SLC24A2: variants seen among roughly 807,000 people sequenced by gnomAD.
SLC24A2 encodes the protein sodium/potassium/calcium exchanger 2.
Under a neutral mutation model 62.0 loss-of-function variants are expected in SLC24A2, and 36 were observed. The observed-to-expected ratio is 0.58, with a 90% CI of 0.44 to 0.77. SLC24A2 has a LOEUF of 0.77. Ranked by LOEUF, SLC24A2 falls within the 30% of genes least tolerant of loss-of-function variation. SLC24A2 has a pLI of 0.00. For synonymous variants in SLC24A2, 358 were observed against 294.0 expected (o/e 1.22, Z -2.23); for missense variants, 846 against 817.9 (o/e 1.03, Z -0.42).
At chr9:19,542,996 G>T (rs974664482) in intron 8 of SLC24A2, among the ~76,000 whole-genome samples, 1 of 152,164 alleles carries the variant, frequency 6.6e-6, no homozygotes, top group Non-Finnish European at 1.5e-5. Flanking sequence ...GTTTGAAATG[G>T]TTTCAGAAGG....
At chr9:20,026,130 T>C in the SLC24A2 span, among the ~76,000 whole-genome samples, 4 of 152,216 alleles carry the variant, frequency 2.6e-5, no homozygotes, top group Non-Finnish European at 5.9e-5. Flanking sequence ...AGATCTATTC[T>C]ATCAGGCTGT....
intron 4 of SLC24A2, among the ~76,000 whole-genome samples, chr9:19,604,371 G>C (rs1023283798): frequency 6.6e-6 from 1 of 152,146 alleles, no homozygotes; most frequent in African/African-American, 2.4e-5. Flanking sequence ...CAAAACAGCA[G>C]CACTGTCTTT....
the SLC24A2 span, among the ~76,000 whole-genome samples, chr9:20,070,876 G>A: frequency 1.3e-5 from 2 of 152,168 alleles, no homozygotes; most frequent in African/African-American, 4.8e-5. Flanking sequence ...TTGGATCTAT[G>A]TTCCTGCCCA....
intron 2 of SLC24A2, among the ~76,000 whole-genome samples, chr9:19,669,519 CT>C: frequency 6.6e-6 from 1 of 152,332 alleles, no homozygotes; most frequent in Admixed American, 6.5e-5. Flanking sequence ...CTTTAAACTC[CT>C]GTAGGTCAGA....
At chr9:19,829,828 C>T in the SLC24A2 span, among the ~76,000 whole-genome samples, 1 of 143,592 alleles carries the variant, frequency 7.0e-6, no homozygotes, top group Non-Finnish European at 1.5e-5. Flanking sequence ...CACACACACA[C>T]ACACACACAC....
At chr9:19,884,564 T>C in the SLC24A2 span, among the ~76,000 whole-genome samples, 62,199 of 151,700 alleles carry the variant, frequency 0.41, 13,263 homozygotes, top group East Asian at 0.83. Context: ...TATGCTTATG[T>C]ATATATGTAT....
chr9:20,152,315 G>C, the SLC24A2 span, among the ~76,000 whole-genome samples: 1 of 151,856 alleles, frequency 6.6e-6, no homozygotes, highest in Admixed American at 6.6e-5. Flanking sequence ...TCTAGCATAA[G>C]GTTTCGTATT....
chr9:19,753,859 G>T (rs1236846064), intron 2 of SLC24A2, among the ~76,000 whole-genome samples: 1 of 152,072 alleles, frequency 6.6e-6, no homozygotes. Flanking sequence ...CACATAAAGT[G>T]GCAGGGGATG....
chr9:20,143,917 C>A, the SLC24A2 span, among the ~76,000 whole-genome samples: 1 of 152,134 alleles, frequency 6.6e-6, no homozygotes, highest in Non-Finnish European at 1.5e-5. Context: ...CACTGCCGTG[C>A]CTTCCTGACC....
intron 2 of SLC24A2, among the ~76,000 whole-genome samples, chr9:19,693,984 G>C (rs1448109035): frequency 6.6e-6 from 1 of 151,940 alleles, no homozygotes; most frequent in Admixed American, 6.6e-5. Context: ...AGATGAAAAT[G>C]TATGTTAAAT....
At chr9:20,130,665 C>A in the SLC24A2 span, among the ~76,000 whole-genome samples, 2 of 152,042 alleles carry the variant, frequency 1.3e-5, no homozygotes, top group Non-Finnish European at 2.9e-5. Context: ...GAAGCCATTG[C>A]AGAGTTTTAG....
the SLC24A2 span, among the ~76,000 whole-genome samples, chr9:20,168,288 C>T: frequency 1.3e-5 from 2 of 151,814 alleles, no homozygotes; most frequent in Admixed American, 6.6e-5. Context: ...CAGCTGTTCT[C>T]TAAGCTTAAA....
chr9:19,686,499 G>C (rs1301884974), intron 2 of SLC24A2, among the ~76,000 whole-genome samples: 2 of 152,064 alleles, frequency 1.3e-5, no homozygotes, highest in East Asian at 3.9e-4. Flanking sequence ...CTCATCTTGA[G>C]TTGTAGTTTC....
At chr9:19,837,523 T>TCCCTCACCA in the SLC24A2 span, among the ~76,000 whole-genome samples, 1 of 138,816 alleles carries the variant, frequency 7.2e-6, no homozygotes, top group Non-Finnish European at 1.5e-5. Flanking sequence ...AGGGATGCCT[T>TCCCTCACCA]CCCTCACCAC....
chr9:19,676,025 A>G (rs939116654), intron 2 of SLC24A2, among the ~76,000 whole-genome samples: 35 of 152,154 alleles, frequency 2.3e-4, no homozygotes, highest in African/African-American at 7.0e-4. Context: ...TTCCCTGGGG[A>G]CCAAGAGCCC....
chr9:20,055,549 T>C, the SLC24A2 span, among the ~76,000 whole-genome samples: 1 of 152,198 alleles, frequency 6.6e-6, no homozygotes, highest in South Asian at 2.1e-4. Context: ...TTAAGTGATT[T>C]GCACATGGTC....
chr9:20,254,786 G>A, the SLC24A2 span, among the ~76,000 whole-genome samples: 10 of 152,264 alleles, frequency 6.6e-5, no homozygotes, highest in African/African-American at 2.4e-4. Flanking sequence ...CCCAAGACTG[G>A]ATGATTTATA....
the SLC24A2 span, among the ~76,000 whole-genome samples, chr9:20,209,582 G>C: frequency 1.3e-5 from 2 of 152,056 alleles, no homozygotes; most frequent in African/African-American, 4.8e-5. Flanking sequence ...CCCCAGACTG[G>C]GGGCTCTTGA....
intron 2 of SLC24A2, among the ~76,000 whole-genome samples, chr9:19,738,930 A>C (rs1488691648): frequency 1.3e-5 from 2 of 152,182 alleles, no homozygotes; most frequent in African/African-American, 2.4e-5. Flanking sequence ...CAGCCTGGCC[A>C]ATATGGTGAA....
Sources: gnomAD v4.1 joint callset for allele counts (sites outside exome capture counted in the v4.1 genomes callset) on GRCh38, gnomAD v4.1.1 for gene constraint, MANE v1.5 for transcripts, NCBI Gene and HGNC (gene_info 2026-07-23, HGNC 2026-07-21) for gene names.